STOX2: variants seen among roughly 807,000 people sequenced by gnomAD.
STOX2 encodes storkhead box 2.
A neutral mutation model predicts 60.9 loss-of-function variants in STOX2; 28 were observed. The observed-to-expected ratio is 0.46, with a 90% confidence interval of 0.34 to 0.63. The LOEUF is 0.63. STOX2 is among the 30% of genes least tolerant of loss of function. The pLI is 0.01. For synonymous variants in STOX2, 472 were observed against 463.9 expected (o/e 1.02, Z -0.22); for missense variants, 1,024 against 1,187.7 (o/e 0.86, Z 2.03).
chr4:183,918,461 T>G (rs1741995108), intron 1 of STOX2, among the ~76,000 whole-genome samples: 1 of 152,190 alleles, frequency 6.6e-6, no homozygotes. Flanking sequence ...ACTTTTCAGT[T>G]GAAGGTAAAG....
At chr4:183,992,461 T>C (rs1579516465) in intron 1 of STOX2, among the ~76,000 whole-genome samples, 1 of 152,230 alleles carries the variant, frequency 6.6e-6, no homozygotes, top group East Asian at 1.9e-4. Flanking sequence ...GAGCATCTAA[T>C]GTCTAGTGTT....
At chr4:183,833,067 A>G (rs1280363233) in intron 1 of STOX2, among the ~76,000 whole-genome samples, 2 of 152,258 alleles carry the variant, frequency 1.3e-5, no homozygotes, top group Admixed American at 1.3e-4. Context: ...GCGATGGTCT[A>G]CCTGAAATTT....
At chr4:183,903,373 C>T (rs1560872670), upstream of STOX2, among the ~76,000 whole-genome samples, 1 of 152,214 alleles carries the variant, frequency 6.6e-6, no homozygotes, top group Non-Finnish European at 1.5e-5. Flanking sequence ...ATCTCCCCCA[C>T]TCTTTGCTTG....
chr4:183,859,359 C>T lies in STOX2; in HGVS notation c.364+61304C>T, dbSNP rs545408921. Among the ~76,000 whole-genome samples, 8 of 152,330 alleles carry T rather than the reference C, an allele frequency of 5.3e-5. No individual in the cohort carries two copies. In the South Asian group the frequency reaches 8.3e-4, roughly 16 times the overall value. On this transcript the variant is annotated intron_variant, in intron 1 of 2. Coordinates refer to the STOX2 transcript ENST00000513034. The stretch of plus-strand genomic sequence containing the variant: ...CAAATGCAACAGGGCAAGATCACGA[C>T]GCTGGGGAGGAAGAAAGGGTGTCCA...
At chr4:183,799,942 C>T (rs1738722050) in intron 1 of STOX2, among the ~76,000 whole-genome samples, 1 of 152,150 alleles carries the variant, frequency 6.6e-6, no homozygotes, top group African/African-American at 2.4e-5. Flanking sequence ...CTGAGCTCCT[C>T]ACCTTACCTC....
intron 2 of STOX2, among the ~76,000 whole-genome samples, chr4:184,007,003 G>A (rs1316472639): frequency 8.5e-5 from 9 of 106,224 alleles, no homozygotes; most frequent in East Asian, 2.8e-4. Flanking sequence ...GCGACAGAGC[G>A]AGACTCTGTC....
intron 1 of STOX2, among the ~76,000 whole-genome samples, chr4:183,932,330 AC>A (rs543858546): frequency 1.9e-5 from 1 of 51,976 alleles, no homozygotes; most frequent in East Asian, 2.9e-4. Context: ...ATGTATGTAT[AC>A]ATACAGTATA....
intron 1 of STOX2, among the ~76,000 whole-genome samples, chr4:183,839,911 G>A (rs965918440): frequency 3.9e-5 from 6 of 152,248 alleles, no homozygotes; most frequent in East Asian, 1.9e-4. Context: ...AGTCTGTAGC[G>A]AGTTTTGGCC....
In STOX2 at chr4:184,015,839, A is replaced by T. The variant is rs375909338; in HGVS notation, c.2586-1250A>T. The T allele has an allele frequency of 2.6e-5, 4 of 152,314 alleles. No individual in the cohort carries two copies. In the South Asian group the frequency reaches 8.3e-4, roughly 32 times the overall value. 9.4% of individuals were successfully genotyped at this position (152,314 alleles called of 1,614,324 possible). On this transcript the variant is annotated intron_variant, in intron 3 of 3. Transcript: ENST00000308497. ...TTTTGAGAATGCTTCTGGCTTCCTC[A>T]ATCTCTGTAGCTGATACATTTCTTG...
chr4:183,869,786 T>A (rs1740646225), intron 1 of STOX2, among the ~76,000 whole-genome samples: 1 of 152,222 alleles, frequency 6.6e-6, no homozygotes, highest in Admixed American at 6.5e-5. Context: ...AGACCATTCT[T>A]TGGAAGTTCC....
At chr4:183,800,582 C>T (rs1161451490) in intron 1 of STOX2, among the ~76,000 whole-genome samples, 1 of 152,194 alleles carries the variant, frequency 6.6e-6, no homozygotes, top group East Asian at 1.9e-4. Context: ...GGCCATAGAG[C>T]CAGACACATA....
intron 1 of STOX2, among the ~76,000 whole-genome samples, chr4:183,907,506 A>G (rs1017081367): frequency 6.6e-6 from 1 of 152,180 alleles, no homozygotes; most frequent in African/African-American, 2.4e-5. Flanking sequence ...GTGGATGCGG[A>G]TTGAATGCTC....
upstream of STOX2, among the ~76,000 whole-genome samples, chr4:183,902,536 A>G (rs1161737940): frequency 2.0e-5 from 3 of 152,230 alleles, no homozygotes; most frequent in East Asian, 5.8e-4. Flanking sequence ...CTCATGACCC[A>G]GGTACATGAT....
At chr4:183,948,218 C>CAAAAAAAAAAAAAAAAAAAAAAA in intron 1 of STOX2, among the ~76,000 whole-genome samples, 1 of 29,878 alleles carries the variant, frequency 3.3e-5, no homozygotes, top group Non-Finnish European at 5.5e-5. Context: ...AACTCCATCT[C>CAAAAAAAAAAAAAAAAAAAAAAA]AAAAAAAAAA....
At chr4:183,911,964 G>A (rs1741794139) in intron 1 of STOX2, among the ~76,000 whole-genome samples, 1 of 152,188 alleles carries the variant, frequency 6.6e-6, no homozygotes, top group South Asian at 2.1e-4. Flanking sequence ...AGTAACACAA[G>A]AAAGAAAGGA....
chr4:183,983,463 G>T (rs1161989352), intron 1 of STOX2, among the ~76,000 whole-genome samples: 1 of 152,244 alleles, frequency 6.6e-6, no homozygotes, highest in Non-Finnish European at 1.5e-5. Flanking sequence ...AGGAGGTTTA[G>T]TGGAATATTG....
rs562520244 is a variant in STOX2, at chr4:183,841,762, G to A, written c.364+43707G>A. Among the ~76,000 whole-genome samples, 51 of 152,284 alleles carry A rather than the reference G, an allele frequency of 3.3e-4. 1 individual carries two copies. The highest frequency in any genetic ancestry group is 1.2e-3 in the African/African-American group (49 of 41,554). ...TTATACAGAGCAACTCTTATTTTAG[G>A]AATTTCTTATTGGATGAATGATGAA... On this transcript the variant is annotated intron_variant, in intron 1 of 2. Transcript: ENST00000513034.
At chr4:183,828,195 A>T (rs532377840) in intron 1 of STOX2, among the ~76,000 whole-genome samples, 8 of 152,178 alleles carry the variant, frequency 5.3e-5, no homozygotes, top group Non-Finnish European at 1.0e-4. Context: ...TTGAGGCTGG[A>T]GAAAGAGACT....
In STOX2 at chr4:183,810,933, C is replaced by T. The variant is rs73006699; in HGVS notation, c.364+12878C>T. 4.9e-3 allele frequency among the ~76,000 whole-genome samples: 750 copies of T among 152,162 alleles called. 4 individuals are homozygous for T. The highest frequency in any genetic ancestry group is 0.017 in the African/African-American group (714 of 41,510). On this transcript the variant is annotated intron_variant, in intron 1 of 2. Transcript: ENST00000513034. ...ACGAGGGGATTTCTGGCTAAACCTA[C>T]CTAATAGAATTCTTGCTGAAGACAG...
Sources: allele counts gnomAD v4.1 joint callset (sites outside exome capture counted in the v4.1 genomes callset), GRCh38; gene constraint gnomAD v4.1.1; transcripts MANE v1.5; gene names NCBI Gene and HGNC (gene_info 2026-07-23, HGNC 2026-07-21).